CSMD1: variants seen among roughly 807,000 people sequenced by gnomAD.
CSMD1 encodes the protein CUB and sushi domain-containing protein 1.
Under a neutral mutation model 417.5 loss-of-function variants are expected in CSMD1, and 213 were observed. The observed-to-expected ratio is 0.51, with a 90% CI of 0.46 to 0.57. The LOEUF is 0.57. Among genes scored for constraint, CSMD1 ranks in the 20% least tolerant of loss-of-function variants. The pLI is 0.00. For synonymous variants in CSMD1, 2,862 were observed against 1,736.8 expected, an observed-to-expected ratio of 1.65 and a Z score of -16.11; for missense variants, 6,923 against 4,529.7, an observed-to-expected ratio of 1.53 and a Z score of -15.17.
rs184682059 is a variant in CSMD1 at position 4,709,065 on chromosome 8, C to T, written c.86-71507G>A. 4.8e-3 allele frequency among the ~76,000 whole-genome samples: 738 copies of T among 152,228 alleles called. 9 individuals are homozygous for T. The highest frequency in any genetic ancestry group is 0.016 in the African/African-American group (659 of 41,560). The stretch of plus-strand genomic sequence containing the variant: ...AGTCTATGGTACTTTGTTATGGGAG[C>T]CCTAGCAAAGTAATATGCTTCCCAA... On this transcript the variant is annotated intron_variant, in intron 1 of 69. Coordinates refer to ENST00000635120, the MANE Select transcript of CSMD1 (RefSeq NM_033225.6).
At chr8:3,728,422 T>C (rs542664059) in intron 6 of CSMD1, among the ~76,000 whole-genome samples, 34 of 152,324 alleles carry the variant, frequency 2.2e-4, no homozygotes, top group African/African-American at 7.5e-4. Context: ...AACAGACTAA[T>C]ACAACATCTA....
In CSMD1 at chr8:4,613,771, C is replaced by G. The variant is rs1801317340; in HGVS notation, c.302+23571G>C. On this transcript the variant is annotated intron_variant, in intron 2 of 69. Transcript: ENST00000635120. ...CTTTAACAAACTCTTTCTCTCACTG[C>G]TAACATCAAGACCACCCAGGGACTG... 2.0e-5 allele frequency among the ~76,000 whole-genome samples: 3 copies of G among 150,706 alleles called. No homozygotes were observed. In the South Asian group the frequency reaches 6.3e-4, roughly 32 times the overall value.
intron 7 of CSMD1, among the ~76,000 whole-genome samples, chr8:3,639,281 T>C (rs1326039137): frequency 2.0e-5 from 3 of 152,202 alleles, no homozygotes; most frequent in South Asian, 2.1e-4. Context: ...TTGAATAATA[T>C]ACTTTATTAT....
At chr8:3,846,638 C>T (rs760245078) in intron 5 of CSMD1, among the ~76,000 whole-genome samples, 6 of 152,108 alleles carry the variant, frequency 3.9e-5, no homozygotes, top group Non-Finnish European at 7.4e-5. Flanking sequence ...CACCTTATTT[C>T]TTTAGCCTAA....
intron 1 of CSMD1, among the ~76,000 whole-genome samples, chr8:4,852,738 T>C (rs951641152): frequency 5.9e-5 from 9 of 152,122 alleles, no homozygotes; most frequent in Non-Finnish European, 1.5e-5. Flanking sequence ...GGTTAAGTGG[T>C]TATAACCAAA....
At position 3,841,152 on chromosome 8, in the gene CSMD1, G is replaced by A. The variant is rs540757294; in HGVS notation, c.819-87110C>T. On this transcript the variant is annotated intron_variant, in intron 5 of 69. Transcript: ENST00000635120. ...TGGCCCCCTCATGAGGGTACTCATC[G>A]ATAAAATGGTGGAAATTGTGTTTTT... Among the ~76,000 whole-genome samples, 14 of 152,190 alleles carry A rather than the reference G, an allele frequency of 9.2e-5. No homozygotes were observed. In the South Asian group the frequency reaches 1.7e-3, roughly 18 times the overall value.
At chr8:4,059,540 T>A (rs539696590) in intron 3 of CSMD1, among the ~76,000 whole-genome samples, 2 of 149,920 alleles carry the variant, frequency 1.3e-5, no homozygotes, top group Non-Finnish European at 3.0e-5. Flanking sequence ...ATTGATAGAC[T>A]GCTAGCAAGA....
chr8:2,936,777 A>G lies in CSMD1; in HGVS notation c.*1808T>C, dbSNP rs1212144218. 6.6e-6 allele frequency: 1 copy of G among 152,246 alleles called. No individual in the cohort carries two copies. The highest frequency in any genetic ancestry group is 1.5e-5 in the Non-Finnish European group (1 of 68,056). The allele number at this position is 152,246 out of a possible 1,614,324, so 9.4% of individuals were successfully genotyped here. On this transcript the variant is annotated 3_prime_UTR_variant, in exon 70 of 70. Coordinates refer to ENST00000635120, the MANE Select transcript of CSMD1 (RefSeq NM_033225.6). Reference sequence around the variant, plus strand: ...TCCGAATCAAAACGCGTGACTCTCCAAAGAATGCCCCATTTTCCTGACTGC... The same window carrying G: ...TCCGAATCAAAACGCGTGACTCTCCGAAGAATGCCCCATTTTCCTGACTGC...
intron 2 of CSMD1, among the ~76,000 whole-genome samples, chr8:4,568,313 G>T (rs566225066): frequency 6.6e-6 from 1 of 152,058 alleles, no homozygotes; most frequent in South Asian, 2.1e-4. Flanking sequence ...CGTCTATGAT[G>T]TGTCCCTGTG....
chr8:4,664,621 T>C (rs1020147448), intron 1 of CSMD1, among the ~76,000 whole-genome samples: 2 of 152,124 alleles, frequency 1.3e-5, no homozygotes, highest in Non-Finnish European at 2.9e-5. Context: ...AAGAAAATGT[T>C]TTCAAGAGTT....
chr8:3,439,584 T>C (rs1231041879), intron 12 of CSMD1, among the ~76,000 whole-genome samples: 1 of 151,698 alleles, frequency 6.6e-6, no homozygotes, highest in East Asian at 1.9e-4. Context: ...GAAAATGTTA[T>C]CTTCCAGTCT....
At chr8:2,977,698 T>C (rs1386795047) in intron 55 of CSMD1, among the ~76,000 whole-genome samples, 1 of 151,964 alleles carries the variant, frequency 6.6e-6, no homozygotes, top group African/African-American at 2.4e-5. Flanking sequence ...AGGTCTAATA[T>C]CCAGAATCTA....
At chr8:4,480,262 G>A (rs538093473) in intron 2 of CSMD1, among the ~76,000 whole-genome samples, 17 of 151,752 alleles carry the variant, frequency 1.1e-4, no homozygotes, top group Non-Finnish European at 2.5e-4. Flanking sequence ...TCATGTCTAG[G>A]GTAGCTCTGA....
intron 5 of CSMD1, among the ~76,000 whole-genome samples, chr8:3,815,159 G>C (rs1801303626): frequency 6.6e-6 from 1 of 152,142 alleles, no homozygotes; most frequent in Non-Finnish European, 1.5e-5. Flanking sequence ...TATAGGGTGA[G>C]AAGCTGTTAA....
intron 1 of CSMD1, among the ~76,000 whole-genome samples, chr8:4,967,335 A>G (rs909728953): frequency 2.0e-5 from 3 of 152,132 alleles, no homozygotes; most frequent in Admixed American, 6.6e-5. Flanking sequence ...TAGTTTTAAG[A>G]TATCCAAGTC....
intron 2 of CSMD1, among the ~76,000 whole-genome samples, chr8:4,526,071 C>A (rs1177857249): frequency 6.6e-6 from 1 of 151,964 alleles, no homozygotes; most frequent in African/African-American, 2.4e-5. Context: ...ATTCATTTTC[C>A]CTGGGACACA....
intron 10 of CSMD1, among the ~76,000 whole-genome samples, chr8:3,522,067 G>C (rs1461425039): frequency 6.6e-6 from 1 of 152,084 alleles, no homozygotes; most frequent in African/African-American, 2.4e-5. Flanking sequence ...TCTCCTTATA[G>C]ATATTTGGGA....
chr8:4,537,139 T>C (rs1016507625), intron 2 of CSMD1, among the ~76,000 whole-genome samples: 1 of 152,226 alleles, frequency 6.6e-6, no homozygotes, highest in African/African-American at 2.4e-5. Context: ...AAAACTGTAT[T>C]ACAATTTGGG....
Position 3,986,251 on chromosome 8 carries a change from C to T in CSMD1, c.818+11652G>A, listed in dbSNP as rs77304723. ...GGAGGAAGAGCTTTATAACTTCCCT[C>T]GCCTGGCTGAGGGCATCAACATTCT... On this transcript the variant is annotated intron_variant, in intron 5 of 69. Transcript: ENST00000635120. Among the ~76,000 whole-genome samples the T allele has an allele frequency of 8.5e-3, 1,291 of 152,200 alleles. 18 individuals are homozygous for T. Among genetic ancestry groups the T allele is most frequent in the African/African-American group, 0.028 (1,168 of 41,510 alleles).
Sources: gnomAD v4.1 joint callset for allele counts (sites outside exome capture counted in the v4.1 genomes callset) on GRCh38, gnomAD v4.1.1 for gene constraint, MANE v1.5 for transcripts, NCBI Gene and HGNC (gene_info 2026-07-23, HGNC 2026-07-21) for gene names.